Variants in NBR1 observed in about 807,000 individuals in gnomAD.
The protein encoded by NBR1 is NBR1 autophagy cargo receptor.
In NBR1, 59 loss-of-function variants were observed where a neutral mutation model predicts 115.5. That is an observed-to-expected ratio of 0.51 (90% CI 0.41 to 0.63). NBR1 has a LOEUF of 0.63. NBR1 is among the 30% of genes least tolerant of loss of function. The probability of loss-of-function intolerance (pLI) is 0.00; values close to 1 mark genes in which losing one functional copy is unlikely to be tolerated. For missense variants in NBR1, 1,043 were observed against 1,150.5 expected (o/e 0.91, Z 1.35); for synonymous variants, 373 against 414.7 (o/e 0.90, Z 1.22).
At chr17:43,201,602 C>T in intron 17 of NBR1, 84 bp from the exon 18 acceptor site, 6 of 775,870 alleles carry the variant, frequency 7.7e-6, no homozygotes, top group Non-Finnish European at 1.4e-5. Context: ...GAGAATTTGG[C>T]ACTGCTGTGC....
At chr17:43,209,772 T>G in intron 20 of NBR1, 129 bp from the exon 21 acceptor site, 4 of 1,480,214 alleles carry the variant, frequency 2.7e-6, no homozygotes, top group South Asian at 1.4e-5. Context: ...GCCTTGAATC[T>G]AATTACCTAG....
Position 43,191,448 on chromosome 17 carries a change from G to A in NBR1, c.940G>A (p.Ala314Thr), listed in dbSNP as rs1017480816. The change falls in exon 10 of 21, where the codon GCA becomes ACA. Residue 314 changes from alanine to threonine, a missense_variant. Coordinates refer to ENST00000590996, the MANE Select transcript of NBR1 (RefSeq NM_005899.5). ...GCGAGCTGAGAAGAAACAACGTAAA[G>A]CAGAGGTCAAGGAACTTAAAAAGCA... ...RLRAEKKQRK[A>T]EVKELKKQLK... is the part of the protein sequence containing the mutation. The A allele has an allele frequency of 3.0e-5, 49 of 1,613,336 alleles. No homozygotes were observed. Among genetic ancestry groups the A allele is most frequent in the Non-Finnish European group, 3.9e-5 (46 of 1,179,596 alleles).
chr17:43,193,028 A>G, intron 10 of NBR1, 66 bp from the exon 11 acceptor site: 1 of 1,501,426 alleles, frequency 6.7e-7, no homozygotes, highest in East Asian at 2.3e-5. Context: ...CTCTCAAGCT[A>G]GTGTGAGGTA....
In NBR1 at chr17:43,196,447, C is replaced by T. The variant is rs767285826; in HGVS notation, c.1751-34C>T. On this transcript the variant is annotated intron_variant, in intron 14 of 20. Coordinates refer to ENST00000590996, the MANE Select transcript of NBR1 (RefSeq NM_005899.5). Reference sequence around the variant, plus strand: ...GACTGTTGATGATATGATGCTTTCTCTTGATTGATGGTTCTCCTGTCTTCA... The same window carrying T: ...GACTGTTGATGATATGATGCTTTCTTTTGATTGATGGTTCTCCTGTCTTCA... 5 of 1,316,874 alleles carry T rather than the reference C, an allele frequency of 3.8e-6. No individual in the cohort carries two copies. The South Asian group carries it at 7.1e-5, about 19-fold the overall frequency. 81.6% of individuals were successfully genotyped at this position (1,316,874 alleles called of 1,614,324 possible). A position where few individuals can be genotyped will look rare whatever the true frequency, so the allele number is the denominator to read the frequency against.
Position 43,179,404 on chromosome 17 carries a change from A to G in NBR1, c.176A>G (p.Asn59Ser), listed in dbSNP as rs751618745. Residue 59 changes from asparagine to serine, a missense_variant, in exon 4 of 21, where the codon AAC becomes AGC. Coordinates refer to ENST00000590996, the MANE Select transcript of NBR1 (RefSeq NM_005899.5). ...LDEENEEVSI[N>S]SQGEYEEALK... Reference sequence around the variant, plus strand: ...TTTTTCCTTTTATAGGTATCCATCAACAGTCAAGGTGAGTCCCTAAGAGAG... The same window carrying G: ...TTTTTCCTTTTATAGGTATCCATCAGCAGTCAAGGTGAGTCCCTAAGAGAG... 21 of 1,612,988 alleles carry G rather than the reference A, an allele frequency of 1.3e-5. No individual in the cohort carries two copies. In the Admixed American group the frequency reaches 1.7e-4, roughly 13 times the overall value.
At chr17:43,202,836 C>A in intron 19 of NBR1, 124 bp downstream of exon 19, 1 of 724,932 alleles carries the variant, frequency 1.4e-6, no homozygotes, top group Non-Finnish European at 2.3e-6. Flanking sequence ...GCCTTTGTTC[C>A]GTCTTATTCT....
intron 18 of NBR1, among the ~76,000 whole-genome samples, chr17:43,202,039 G>C (rs1209767584): frequency 6.6e-6 from 1 of 151,982 alleles, no homozygotes; most frequent in Non-Finnish European, 1.5e-5. Context: ...AATTAACCAG[G>C]CATGGTGGCG....
At chr17:43,203,368 GA>G (rs555110416) in intron 19 of NBR1, among the ~76,000 whole-genome samples, 155 of 152,214 alleles carry the variant, frequency 1.0e-3, no homozygotes, top group South Asian at 1.9e-3. Context: ...GAGAATAATT[GA>G]GCAGACAAAC....
At chr17:43,196,713 C>CCTTCA in intron 15 of NBR1, 122 bp downstream of exon 15, 1 of 897,028 alleles carries the variant, frequency 1.1e-6, no homozygotes, top group Non-Finnish European at 1.7e-6. Context: ...TGTAGCATCT[C>CCTTCA]ATGTTTTGAA....
At chr17:43,194,251 T>C in intron 12 of NBR1, 99 bp from the exon 13 acceptor site, 8 of 1,067,838 alleles carry the variant, frequency 7.5e-6, no homozygotes, top group Non-Finnish European at 1.1e-5. Context: ...TTTTAAAATA[T>C]GGAGGTACAG....
At chr17:43,191,292 A>G (rs2056938120) in intron 9 of NBR1, 80 bp from the exon 10 acceptor site, 1 of 987,938 alleles carries the variant, frequency 1.0e-6, no homozygotes. Context: ...GCTGACACTG[A>G]TGGAAATTGC....
intron 20 of NBR1, among the ~76,000 whole-genome samples, chr17:43,205,249 G>A (rs1234334635): frequency 6.6e-6 from 1 of 152,144 alleles, no homozygotes; most frequent in Non-Finnish European, 1.5e-5. Flanking sequence ...AGCTACTTGG[G>A]AGGCTGAGGC....
At chr17:43,207,271 G>A (rs2057336045) in intron 20 of NBR1, among the ~76,000 whole-genome samples, 1 of 152,176 alleles carries the variant, frequency 6.6e-6, no homozygotes, top group African/African-American at 2.4e-5. Context: ...CCCCCTGTGG[G>A]ATACTGAAAT....
At chr17:43,209,481 T>C in intron 20 of NBR1, 1 of 1,213,822 alleles carries the variant, frequency 8.2e-7, no homozygotes, top group Non-Finnish European at 1.2e-6. Flanking sequence ...TGACAAAATT[T>C]CCCATAGCAT....
At chr17:43,174,021 A>G (rs1036258561) in intron 1 of NBR1, among the ~76,000 whole-genome samples, 3 of 152,244 alleles carry the variant, frequency 2.0e-5, no homozygotes, top group Non-Finnish European at 4.4e-5. Flanking sequence ...TGATCAGAAT[A>G]GAAATCTGAT....
intron 19 of NBR1, among the ~76,000 whole-genome samples, chr17:43,203,423 A>G (rs2154582401): frequency 6.6e-6 from 1 of 152,296 alleles, no homozygotes; most frequent in Non-Finnish European, 1.5e-5. Context: ...ATTTTCAGCT[A>G]GGAGTGAGAG....
At chr17:43,197,237 TG>T in intron 16 of NBR1, 131 bp downstream of exon 16, 1 of 942,190 alleles carries the variant, frequency 1.1e-6, no homozygotes, top group Non-Finnish European at 1.6e-6. Flanking sequence ...GTTCTGATCT[TG>T]GCGGGGCGTG....
intron 18 of NBR1, 83 bp from the exon 19 acceptor site, chr17:43,202,572 C>A: frequency 1.1e-6 from 1 of 924,646 alleles, no homozygotes; most frequent in Non-Finnish European, 1.6e-6. Context: ...TTGCCACCTG[C>A]CTCAATAATA....
intron 9 of NBR1, 145 bp from the exon 10 acceptor site, chr17:43,191,227 C>T: frequency 3.1e-6 from 2 of 652,848 alleles, no homozygotes; most frequent in Non-Finnish European, 5.4e-6. Flanking sequence ...GTACTCCAGC[C>T]TACATGACAG....
Sources: allele counts gnomAD v4.1 joint callset (sites outside exome capture counted in the v4.1 genomes callset), GRCh38; gene constraint gnomAD v4.1.1; transcripts MANE v1.5; gene names NCBI Gene and HGNC (gene_info 2026-07-23, HGNC 2026-07-21).